Variants in CLDN10 observed in about 807,000 individuals in gnomAD.
CLDN10 encodes the protein claudin 10, also known as claudin-10.
Under a neutral mutation model 22.9 loss-of-function variants are expected in CLDN10, and 15 were observed. That is an observed-to-expected ratio of 0.65 (90% CI 0.44 to 1.01). The LOEUF (loss-of-function observed/expected upper bound fraction) is 1.01. Ranked by LOEUF, CLDN10 falls within the 50% of genes least tolerant of loss-of-function variation. CLDN10 has a pLI of 0.00. For synonymous variants in CLDN10, 114 were observed against 111.4 expected, an observed-to-expected ratio of 1.02 and a Z score of -0.15; for missense variants, 247 against 287.8, an observed-to-expected ratio of 0.86 and a Z score of 1.03.
chr13:95,455,595 G>T (rs1179821620), intron 1 of CLDN10, among the ~76,000 whole-genome samples: 2 of 151,980 alleles, frequency 1.3e-5, no homozygotes, highest in African/African-American at 4.8e-5. Context: ...TTGGGTGAAT[G>T]GATTTATTTA....
At chr13:95,577,182 T>C in intron 3 of CLDN10, 49 bp from the exon 4 acceptor site, 1 of 1,253,530 alleles carries the variant, frequency 8.0e-7, no homozygotes, top group Admixed American at 1.8e-5. Context: ...AAATACTGTT[T>C]ACTCTCCAAA....
chr13:95,472,154 A>G (rs2042639789), intron 1 of CLDN10, among the ~76,000 whole-genome samples: 1 of 152,020 alleles, frequency 6.6e-6, no homozygotes, highest in African/African-American at 2.4e-5. Context: ...TTTTGCTTTG[A>G]GTAATCAAAA....
intron 1 of CLDN10, among the ~76,000 whole-genome samples, chr13:95,506,182 T>C (rs2043036814): frequency 6.6e-6 from 1 of 152,132 alleles, no homozygotes. Context: ...GTGTGTCACA[T>C]GGGATGGACT....
chr13:95,563,037 A>G (rs1362891516), intron 3 of CLDN10, among the ~76,000 whole-genome samples: 2 of 150,620 alleles, frequency 1.3e-5, no homozygotes, highest in South Asian at 2.1e-4. Context: ...TTGGTGCTAC[A>G]TTGGCTATTC....
Position 95,472,251 on chromosome 13 carries a change from A to G in CLDN10, c.214+38204A>G, listed in dbSNP as rs148019885. Among the ~76,000 whole-genome samples the G allele has an allele frequency of 7.0e-3, 1,063 of 152,290 alleles. 11 individuals are homozygous for G. The highest frequency in any genetic ancestry group is 0.024 in the African/African-American group (1,016 of 41,558). On this transcript the variant is annotated intron_variant, in intron 1 of 4. Transcript: ENST00000376873. ...TCCAGTGATAGCAAGCAGCCCTCCC[A>G]CTACAGAGCTCATAAAATGAGGTTC...
intron 1 of CLDN10, among the ~76,000 whole-genome samples, chr13:95,473,073 G>C (rs2042651306): frequency 6.6e-6 from 1 of 150,566 alleles, no homozygotes; most frequent in South Asian, 2.1e-4. Context: ...CCAGGAGTTT[G>C]AGGCTGCAGT....
At position 95,578,319 on chromosome 13, in the gene CLDN10, C is replaced by CT; in HGVS notation, c.*310dup. On this transcript the variant is annotated 3_prime_UTR_variant, in exon 5 of 5. Transcript: ENST00000299339. Reference sequence around the variant, plus strand: ...GTTCAAGAAGTATTCGTACTCTAGCCTTTTTAATCATTCATAGATAGAAGT... The same window carrying CT: ...GTTCAAGAAGTATTCGTACTCTAGCCTTTTTTAATCATTCATAGATAGAAGT... 1 of 190,942 alleles carries CT rather than the reference C, an allele frequency of 5.2e-6. No individual in the cohort carries two copies. Among genetic ancestry groups the CT allele is most frequent in the East Asian group, 1.4e-4 (1 of 6,926 alleles). 11.8% of individuals were successfully genotyped at this position (190,942 alleles called of 1,614,324 possible). A position where few individuals can be genotyped will look rare whatever the true frequency, so the allele number is the denominator to read the frequency against.
chr13:95,575,230 G>A (rs765304559), intron 3 of CLDN10, among the ~76,000 whole-genome samples: 9 of 152,160 alleles, frequency 5.9e-5, no homozygotes, highest in Non-Finnish European at 1.2e-4. Context: ...AATAGAAAGC[G>A]TTATACAATT....
intron 1 of CLDN10, among the ~76,000 whole-genome samples, chr13:95,494,981 A>C (rs1375433974): frequency 6.6e-6 from 1 of 152,042 alleles, no homozygotes; most frequent in Non-Finnish European, 1.5e-5. Flanking sequence ...TGCAAAACCC[A>C]AATTGTGCAA....
chr13:95,544,943 G>C (rs2138629489), intron 1 of CLDN10, among the ~76,000 whole-genome samples: 1 of 151,486 alleles, frequency 6.6e-6, no homozygotes, highest in South Asian at 2.1e-4. Flanking sequence ...CACCCAGCTA[G>C]TTTTTTGTAT....
At chr13:95,484,694 A>C (rs2042784116) in intron 1 of CLDN10, among the ~76,000 whole-genome samples, 1 of 144,812 alleles carries the variant, frequency 6.9e-6, no homozygotes, top group Non-Finnish European at 1.5e-5. Flanking sequence ...AATACAAAAA[A>C]AAAAAAAAAA....
chr13:95,445,564 T>C (rs1276342732), intron 1 of CLDN10, among the ~76,000 whole-genome samples: 2 of 152,236 alleles, frequency 1.3e-5, no homozygotes, highest in Non-Finnish European at 2.9e-5. Context: ...TCCAAGGATT[T>C]CTGCCAGGAA....
chr13:95,528,180 G>A lies in CLDN10; in HGVS notation c.215-31952G>A, dbSNP rs774188560. The stretch of plus-strand genomic sequence containing the variant: ...GAATTTTGGCTCCCATAATGCCCAC[G>A]TGTTGTGGGAGGGACACAGTGGGAG... On this transcript the variant is annotated intron_variant, in intron 1 of 4. Transcript: ENST00000376873. 3.9e-5 allele frequency among the ~76,000 whole-genome samples: 6 copies of A among 152,140 alleles called. No homozygotes were observed. In the South Asian group the frequency reaches 6.2e-4, roughly 16 times the overall value.
intron 1 of CLDN10, among the ~76,000 whole-genome samples, chr13:95,489,952 A>G (rs542855856): frequency 6.6e-6 from 1 of 152,342 alleles, no homozygotes; most frequent in Admixed American, 6.5e-5. Context: ...CAATTATCCC[A>G]ACACCATTTA....
At chr13:95,555,076 G>C (rs551153747) in intron 1 of CLDN10, among the ~76,000 whole-genome samples, 3 of 121,608 alleles carry the variant, frequency 2.5e-5, no homozygotes, top group African/African-American at 8.8e-5. Context: ...TTGAGACGGA[G>C]TTTTGCTCTT....
intron 1 of CLDN10, among the ~76,000 whole-genome samples, chr13:95,445,543 T>A (rs996031318): frequency 6.6e-6 from 1 of 152,072 alleles, no homozygotes; most frequent in African/African-American, 2.4e-5. Flanking sequence ...ATGAGAGGGG[T>A]CAAGGATGTC....
intron 1 of CLDN10, among the ~76,000 whole-genome samples, chr13:95,456,930 T>C (rs1488009223): frequency 6.6e-6 from 1 of 152,122 alleles, no homozygotes; most frequent in South Asian, 2.1e-4. Flanking sequence ...GAATGAGAAA[T>C]AGGAAAAAGA....
intron 1 of CLDN10, among the ~76,000 whole-genome samples, chr13:95,526,652 A>G (rs1007224728): frequency 2.0e-5 from 3 of 152,218 alleles, no homozygotes; most frequent in African/African-American, 4.8e-5. Flanking sequence ...GACAGGCATG[A>G]TGGTGGGCAC....
At chr13:95,460,606 C>G (rs183094337) in intron 1 of CLDN10, among the ~76,000 whole-genome samples, 1 of 152,310 alleles carries the variant, frequency 6.6e-6, no homozygotes, top group African/African-American at 2.4e-5. Context: ...ATTCAATTAT[C>G]TCTACCTGAT....
Sources: allele counts gnomAD v4.1 joint callset (sites outside exome capture counted in the v4.1 genomes callset), GRCh38; gene constraint gnomAD v4.1.1; transcripts MANE v1.5; gene names NCBI Gene and HGNC (gene_info 2026-07-23, HGNC 2026-07-21).